The following COBL variants were observed in gnomAD, a reference collection of about 807,000 sequenced individuals.
The protein encoded by COBL is cordon-bleu WH2 repeat protein, also known as protein cordon-bleu.
COBL carries 51 observed loss-of-function variants against 98.8 expected under a neutral mutation model. The observed-to-expected ratio is 0.52, with a 90% confidence interval of 0.41 to 0.65. The LOEUF is 0.65. Ranked by LOEUF, COBL falls within the 30% of genes least tolerant of loss-of-function variation. The pLI, the probability that COBL is intolerant of heterozygous loss-of-function variation, is 0.00. For missense variants in COBL, 1,617 were observed against 1,617.5 expected (o/e 1.00, Z 0.01); for synonymous variants, 634 against 651.7 (o/e 0.97, Z 0.41).
At chr7:51,248,117 C>T (rs796542427) in intron 1 of COBL, among the ~76,000 whole-genome samples, 11 of 152,190 alleles carry the variant, frequency 7.2e-5, no homozygotes, top group African/African-American at 2.4e-4. Context: ...CAAGCCCAGG[C>T]GACAGAGCAA....
intron 8 of COBL, chr7:51,031,638 G>C (rs1283027904): frequency 6.6e-6 from 1 of 152,342 alleles, no homozygotes; most frequent in Non-Finnish European, 1.5e-5. Flanking sequence ...CCTAGCAGTA[G>C]CCCACCCTGC....
intron 1 of COBL, among the ~76,000 whole-genome samples, chr7:51,307,370 A>ACAAAAG (rs1322603478): frequency 1.3e-4 from 20 of 151,852 alleles, no homozygotes; most frequent in African/African-American, 4.8e-4. Context: ...AAAAACAAAA[A>ACAAAAG]CAAAAACAAA....
chr7:51,167,243 A>C (rs2129040179), intron 5 of COBL, among the ~76,000 whole-genome samples: 1 of 152,334 alleles, frequency 6.6e-6, no homozygotes, highest in Middle Eastern at 3.4e-3. Flanking sequence ...TAATAAATTC[A>C]GTAATGTTGC....
At chr7:51,097,276 A>G (rs1370458907) in intron 6 of COBL, among the ~76,000 whole-genome samples, 1 of 152,192 alleles carries the variant, frequency 6.6e-6, no homozygotes, top group Non-Finnish European at 1.5e-5. Context: ...ACACTCAACA[A>G]CTAGGAATCA....
chr7:51,187,870 G>A (rs540312633), intron 4 of COBL: 31 of 1,219,994 alleles, frequency 2.5e-5, no homozygotes, highest in Non-Finnish European at 3.2e-5. Flanking sequence ...GCCATGCATA[G>A]TGCAGCCTCA....
At chr7:51,217,891 G>T (rs760820332) in intron 2 of COBL, among the ~76,000 whole-genome samples, 10 of 152,226 alleles carry the variant, frequency 6.6e-5, no homozygotes, top group Admixed American at 1.3e-4. Flanking sequence ...CATGAACCCT[G>T]GGGGGAAAGC....
intron 6 of COBL, among the ~76,000 whole-genome samples, chr7:51,092,333 C>T (rs1293321597): frequency 3.3e-5 from 5 of 152,200 alleles, no homozygotes; most frequent in Admixed American, 6.5e-5. Flanking sequence ...GTGAAGTCGA[C>T]TCATTCAATA....
At chr7:51,160,734 C>G (rs879416599) in intron 5 of COBL, among the ~76,000 whole-genome samples, 1 of 152,092 alleles carries the variant, frequency 6.6e-6, no homozygotes, top group African/African-American at 2.4e-5. Flanking sequence ...AAAAGCCACG[C>G]TTTTCCCTTT....
chr7:51,257,724 T>C (rs763360283), intron 1 of COBL, among the ~76,000 whole-genome samples: 1 of 152,124 alleles, frequency 6.6e-6, no homozygotes, highest in African/African-American at 2.4e-5. Context: ...TCTAAAAATA[T>C]TGCTAATATT....
intron 1 of COBL, among the ~76,000 whole-genome samples, chr7:51,226,560 A>G (rs542418811): frequency 7.2e-6 from 1 of 139,096 alleles, no homozygotes; most frequent in African/African-American, 3.1e-5. Flanking sequence ...GTGAGTGACT[A>G]AGTGAGTGAG....
chr7:51,144,474 T>C (rs1784842103), intron 5 of COBL, among the ~76,000 whole-genome samples: 1 of 152,198 alleles, frequency 6.6e-6, no homozygotes, highest in Admixed American at 6.5e-5. Context: ...TCCAAGCATA[T>C]CCGAAACCCC....
chr7:51,062,267 G>GTCTCTCTCTC (rs146409423), intron 7 of COBL, among the ~76,000 whole-genome samples: 4 of 149,060 alleles, frequency 2.7e-5, no homozygotes, highest in South Asian at 4.3e-4. Flanking sequence ...AACAGTTCAT[G>GTCTCTCTCTC]TCTCTCTCTC....
intron 7 of COBL, among the ~76,000 whole-genome samples, chr7:51,066,469 T>C (rs1388011653): frequency 6.6e-6 from 1 of 152,184 alleles, no homozygotes; most frequent in African/African-American, 2.4e-5. Flanking sequence ...GTTAAGCAGG[T>C]GCTTGGGACC....
At chr7:51,276,964 C>T (rs921608221) in intron 1 of COBL, among the ~76,000 whole-genome samples, 2 of 152,164 alleles carry the variant, frequency 1.3e-5, no homozygotes, top group African/African-American at 2.4e-5. Flanking sequence ...AAAGGAGATG[C>T]ATCTGGGAGC....
chr7:51,119,445 C>T (rs920640373), intron 6 of COBL, among the ~76,000 whole-genome samples: 8 of 152,182 alleles, frequency 5.3e-5, no homozygotes, highest in African/African-American at 1.9e-4. Flanking sequence ...AGTCCATTTA[C>T]CTTGGGCCTG....
chr7:51,057,067 C>T (rs1361278181), intron 7 of COBL, among the ~76,000 whole-genome samples: 1 of 152,224 alleles, frequency 6.6e-6, no homozygotes, highest in Non-Finnish European at 1.5e-5. Context: ...TCCACACTGT[C>T]TCCTCCCCTG....
intron 5 of COBL, among the ~76,000 whole-genome samples, chr7:51,162,614 T>C (rs1185923242): frequency 1.3e-5 from 2 of 152,254 alleles, no homozygotes; most frequent in Admixed American, 1.3e-4. Flanking sequence ...GCAAACTTTC[T>C]GGAGGGCTCC....
intron 1 of COBL, among the ~76,000 whole-genome samples, chr7:51,259,236 G>A (rs1047890828): frequency 1.3e-4 from 19 of 146,276 alleles, no homozygotes; most frequent in African/African-American, 4.6e-4. Context: ...GCAGTGAGCC[G>A]AGATCACACA....
At chr7:51,060,522 C>T (rs766353819) in intron 7 of COBL, among the ~76,000 whole-genome samples, 22 of 145,336 alleles carry the variant, frequency 1.5e-4, no homozygotes, top group Non-Finnish European at 3.0e-4. Context: ...GTTACAGGGT[C>T]AGAGAGGTAG....
Sources: gnomAD v4.1 joint callset for allele counts (sites outside exome capture counted in the v4.1 genomes callset) on GRCh38, gnomAD v4.1.1 for gene constraint, MANE v1.5 for transcripts, NCBI Gene and HGNC (gene_info 2026-07-23, HGNC 2026-07-21) for gene names.